Variants in DOCK3 observed in about 807,000 individuals in gnomAD.
DOCK3 encodes dedicator of cytokinesis protein 3.
In DOCK3, 60 loss-of-function variants were observed where a neutral mutation model predicts 265.6. The ratio of observed to expected loss-of-function variants is 0.23; its 90% confidence interval spans 0.18 to 0.28. DOCK3 has a LOEUF of 0.28. Ranked by LOEUF, DOCK3 falls within the 10% of genes least tolerant of loss-of-function variation. The pLI is 1.00. For missense variants in DOCK3, 1,981 were observed against 2,594.3 expected, an observed-to-expected ratio of 0.76 and a Z score of 5.14; for synonymous variants, 881 against 938.0, an observed-to-expected ratio of 0.94 and a Z score of 1.11.
intron 5 of DOCK3, among the ~76,000 whole-genome samples, chr3:51,031,397 C>T (rs1449701509): frequency 6.6e-6 from 1 of 152,164 alleles, no homozygotes; most frequent in Non-Finnish European, 1.5e-5. Flanking sequence ...CAGGAGGAAG[C>T]TGTCTCCTTA....
intron 19 of DOCK3, among the ~76,000 whole-genome samples, chr3:51,233,679 G>A (rs1435635229): frequency 2.6e-5 from 4 of 152,078 alleles, no homozygotes; most frequent in African/African-American, 7.2e-5. Context: ...TCTTTCAGCA[G>A]TACTCTGTAA....
chr3:51,282,653 CAAAAA>C (rs1198884358), intron 27 of DOCK3, among the ~76,000 whole-genome samples: 1 of 81,496 alleles, frequency 1.2e-5, no homozygotes, highest in South Asian at 4.4e-4. Context: ...AACTCTGTCT[CAAAAA>C]AAAAAAAAAA....
Position 51,381,663 on chromosome 3 carries a change from C to T in DOCK3, c.*104C>T, listed in dbSNP as rs1553618922. ...GCCCCACCCCAGGGAGCCAGAGAGG[C>T]TTGCACTCAGGAGAGAACCACCCCC... On this transcript the variant is annotated 3_prime_UTR_variant, in exon 53 of 53. Coordinates refer to ENST00000266037, the MANE Select transcript of DOCK3 (RefSeq NM_004947.5). The surrounding 1 kb of genome is among the most constrained non-coding windows in gnomAD (Gnocchi z 5.6). The T allele has an allele frequency of 2.8e-6, 4 of 1,413,700 alleles. No individual in the cohort carries two copies. In the East Asian group the frequency reaches 1.0e-4, roughly 35 times the overall value. The allele number at this position is 1,413,700 out of a possible 1,614,324, so 87.6% of individuals were successfully genotyped here.
chr3:50,901,016 C>G (rs889158775), intron 4 of DOCK3: 1 of 368,768 alleles, frequency 2.7e-6, no homozygotes, highest in Admixed American at 3.8e-5. Context: ...CTGGGAGATT[C>G]GCTCCTCTCT....
Position 51,318,698 on chromosome 3 carries a change from G to A in DOCK3, c.3402+3570G>A, listed in dbSNP as rs369475489. 9.9e-5 allele frequency among the ~76,000 whole-genome samples: 15 copies of A among 151,870 alleles called. No homozygotes were observed. The East Asian group carries it at 1.9e-3, about 20-fold the overall frequency. Reference sequence around the variant, plus strand: ...CTGTGGGTGAGGGAGTAAAACTTACGTTTATCTAGTAGCTCAAGCTCCTTA... The same window carrying A: ...CTGTGGGTGAGGGAGTAAAACTTACATTTATCTAGTAGCTCAAGCTCCTTA... On this transcript the variant is annotated intron_variant, in intron 32 of 52. Transcript: ENST00000266037.
At chr3:51,226,168 TGGAACTTAGACA>T (rs1370985850) in intron 15 of DOCK3, among the ~76,000 whole-genome samples, 1 of 152,238 alleles carries the variant, frequency 6.6e-6, no homozygotes, top group Non-Finnish European at 1.5e-5. Context: ...TGGTCAAGTG[TGGAACTTAGACA>T]ATCACTTCCT....
chr3:51,354,872 T>C lies in DOCK3; in HGVS notation c.4108-10T>C, dbSNP rs2086258422. On this transcript the variant is annotated splice_polypyrimidine_tract_variant and intron_variant, in intron 40 of 52. Transcript: ENST00000266037. The stretch of plus-strand genomic sequence containing the variant: ...AGCATACATAGAGTGTGCTCTTCTG[T>C]TTGTGGCAGAACAAAGAATACGTGT... The C allele has an allele frequency of 6.2e-7, 1 of 1,612,882 alleles. No individual in the cohort carries two copies. The highest frequency in any genetic ancestry group is 2.2e-5 in the East Asian group (1 of 44,862).
At chr3:51,221,469 A>G (rs2090096433) in intron 14 of DOCK3, among the ~76,000 whole-genome samples, 1 of 152,206 alleles carries the variant, frequency 6.6e-6, no homozygotes, top group Admixed American at 6.5e-5. Context: ...ACAAAGAACA[A>G]CTGCCAGAGA....
chr3:50,697,056 G>A (rs900979454), intron 1 of DOCK3, among the ~76,000 whole-genome samples: 2 of 151,174 alleles, frequency 1.3e-5, no homozygotes, highest in African/African-American at 2.4e-5. Context: ...TCAGCCTCCC[G>A]AGTAGCTGGG....
chr3:50,818,459 T>A (rs1342834858), intron 2 of DOCK3, among the ~76,000 whole-genome samples: 1 of 152,256 alleles, frequency 6.6e-6, no homozygotes, highest in Non-Finnish European at 1.5e-5. Flanking sequence ...CCTAGGCAGA[T>A]GCCTGATGCC....
At chr3:50,717,825 A>G (rs374878371) in intron 1 of DOCK3, among the ~76,000 whole-genome samples, 13 of 152,160 alleles carry the variant, frequency 8.5e-5, no homozygotes, top group East Asian at 3.9e-4. Flanking sequence ...GAGTTTCACT[A>G]TGTTGGCCAG....
chr3:51,167,230 A>G (rs1220751645), intron 12 of DOCK3, among the ~76,000 whole-genome samples: 1 of 151,984 alleles, frequency 6.6e-6, no homozygotes. Context: ...CCCATTGTGT[A>G]TTCTTGGTAC....
intron 2 of DOCK3, chr3:50,788,153 TC>T: frequency 1.3e-6 from 1 of 759,364 alleles, no homozygotes; most frequent in Non-Finnish European, 2.1e-6. Flanking sequence ...GGTGGACAGG[TC>T]AAGTTCCTTG....
chr3:51,011,278 G>T (rs1332895628), intron 5 of DOCK3, among the ~76,000 whole-genome samples: 2 of 152,010 alleles, frequency 1.3e-5, no homozygotes, highest in Non-Finnish European at 2.9e-5. Flanking sequence ...GTACCTGATT[G>T]GTCTTTACAC....
At chr3:51,320,460 ACGC>A (rs1233216933) in intron 32 of DOCK3, among the ~76,000 whole-genome samples, 8 of 152,024 alleles carry the variant, frequency 5.3e-5, no homozygotes, top group African/African-American at 1.9e-4. Flanking sequence ...GGCACCTGGA[ACGC>A]CAGTGAGACA....
intron 10 of DOCK3, among the ~76,000 whole-genome samples, chr3:51,151,861 T>A (rs1476218971): frequency 6.6e-6 from 1 of 152,228 alleles, no homozygotes; most frequent in Non-Finnish European, 1.5e-5. Context: ...TGCCAATAGA[T>A]CCACTGTTAG....
intron 12 of DOCK3, among the ~76,000 whole-genome samples, chr3:51,198,087 A>T (rs937497519): frequency 2.0e-5 from 3 of 152,228 alleles, no homozygotes; most frequent in Non-Finnish European, 4.4e-5. Context: ...AGTTTCTGTC[A>T]TGCCTCAGTC....
chr3:51,250,671 C>G (rs1355396078), intron 22 of DOCK3, among the ~76,000 whole-genome samples: 2 of 152,004 alleles, frequency 1.3e-5, no homozygotes, highest in African/African-American at 4.8e-5. Context: ...AGGAAATAAA[C>G]AAGATTATGG....
intron 39 of DOCK3, among the ~76,000 whole-genome samples, chr3:51,350,079 C>T (rs909561547): frequency 1.3e-5 from 2 of 152,172 alleles, no homozygotes; most frequent in Non-Finnish European, 2.9e-5. Flanking sequence ...GTCCCCATCC[C>T]ACCATCAGAC....
Sources: gnomAD v4.1 joint callset for allele counts (sites outside exome capture counted in the v4.1 genomes callset) on GRCh38, gnomAD v4.1.1 for gene constraint, Gnocchi (gnomAD v3.1) non-coding constraint, MANE v1.5 for transcripts, NCBI Gene and HGNC (gene_info 2026-07-23, HGNC 2026-07-21) for gene names.